The following RSPH6A variants were observed in gnomAD, a reference collection of about 807,000 sequenced individuals.
The protein encoded by RSPH6A is radial spoke head protein 6 homolog A.
Under a neutral mutation model 66.1 loss-of-function variants are expected in RSPH6A, and 49 were observed. That is an observed-to-expected ratio of 0.74 (90% CI 0.59 to 0.94). The LOEUF (loss-of-function observed/expected upper bound fraction) is 0.94. RSPH6A is among the 40% of genes least tolerant of loss of function. The probability of loss-of-function intolerance (pLI) is 0.00; values close to 1 mark genes in which losing one functional copy is unlikely to be tolerated. For missense variants in RSPH6A, 977 were observed against 948.3 expected (o/e 1.03, Z -0.40); for synonymous variants, 419 against 402.4 (o/e 1.04, Z -0.49).
At chr19:45,812,032 TG>T (rs1476801022) in intron 1 of RSPH6A, among the ~76,000 whole-genome samples, 6 of 150,700 alleles carry the variant, frequency 4.0e-5, no homozygotes, top group Non-Finnish European at 7.4e-5. Flanking sequence ...CCGCCCGTCT[TG>T]GCCTCCTAAA....
chr19:45,815,257 G>A lies in RSPH6A; in HGVS notation c.-81C>T, dbSNP rs1460584975. Reference sequence around the variant, plus strand: ...GCGAGAGCCACCTGTCGACACCGCCGGTTTCTGAGCACCGAGAGAGGGGGC... The same window carrying A: ...GCGAGAGCCACCTGTCGACACCGCCAGTTTCTGAGCACCGAGAGAGGGGGC... On this transcript the variant is annotated 5_prime_UTR_variant, in exon 1 of 6. Transcript: ENST00000221538. 3 of 1,395,636 alleles carry A rather than the reference G, an allele frequency of 2.1e-6. No homozygotes were observed. Among genetic ancestry groups the A allele is most frequent in the Non-Finnish European group, 1.9e-6 (2 of 1,056,858 alleles). The allele number at this position is 1,395,636 out of a possible 1,614,324, so 86.5% of individuals were successfully genotyped here.
intron 1 of RSPH6A, among the ~76,000 whole-genome samples, chr19:45,811,424 G>A (rs1426046447): frequency 6.6e-6 from 1 of 151,994 alleles, no homozygotes; most frequent in Non-Finnish European, 1.5e-5. Context: ...GATGGGAGAA[G>A]GTTTGCAATT....
Position 45,807,268 on chromosome 19 carries a change from T to G in RSPH6A, c.889-2252A>C, listed in dbSNP as rs561050241. Among the ~76,000 whole-genome samples, 731 of 151,676 alleles carry G rather than the reference T, an allele frequency of 4.8e-3. 4 individuals are homozygous for G. The highest frequency in any genetic ancestry group is 8.0e-3 in the Non-Finnish European group (543 of 67,972). ...TCTTGCTCTGTCGCCCAGGCTGGAGTGCAGTGGCGCAATCTCAACTCACTG... is the reference window on the plus strand; with the variant it reads ...TCTTGCTCTGTCGCCCAGGCTGGAGGGCAGTGGCGCAATCTCAACTCACTG... On this transcript the variant is annotated intron_variant, in intron 2 of 5. Transcript: ENST00000221538.
At chr19:45,801,684 C>G (rs150794268) in intron 4 of RSPH6A, among the ~76,000 whole-genome samples, 1 of 152,076 alleles carries the variant, frequency 6.6e-6, no homozygotes. Flanking sequence ...TGCAGGAACC[C>G]GAGAGGTTGA....
chr19:45,804,422 T>C lies in RSPH6A; in HGVS notation c.1483A>G (p.Ser495Gly). Residue 495 changes from serine (S) to glycine (G), a missense_variant, in exon 3 of 6, where the codon AGC becomes GGC. Coordinates refer to ENST00000221538, the MANE Select transcript of RSPH6A (RefSeq NM_030785.4). The surrounding 1 kb of genome is among the most constrained non-coding windows in gnomAD (Gnocchi z 5.8). ...IARISAATQV[S>G]PLGFYQFSEE... Reference sequence around the variant, plus strand: ...CTAAACTGGTAGAAGCCCAGCGGGCTGACCTGCGTGGCGGCCGAGATGCGG... The same window carrying C: ...CTAAACTGGTAGAAGCCCAGCGGGCCGACCTGCGTGGCGGCCGAGATGCGG... 2 of 1,613,892 alleles carry C rather than the reference T, an allele frequency of 1.2e-6. No homozygotes were observed. The highest frequency in any genetic ancestry group is 8.5e-7 in the Non-Finnish European group (1 of 1,179,972).
Position 45,799,558 on chromosome 19 carries a change from T to G in RSPH6A, c.1916+888A>C, listed in dbSNP as rs572398718. Among the ~76,000 whole-genome samples, 43 of 151,714 alleles carry G rather than the reference T, an allele frequency of 2.8e-4. 2 individuals carry two copies. The South Asian group carries it at 8.5e-3, about 30-fold the overall frequency. On this transcript the variant is annotated intron_variant, in intron 5 of 5. Transcript: ENST00000221538. Reference sequence around the variant, plus strand: ...TAAAAATTTTTTTAATTTTTTTTTTTGTACAGATAGTGTCTTACTGTGTTC... The same window carrying G: ...TAAAAATTTTTTTAATTTTTTTTTTGGTACAGATAGTGTCTTACTGTGTTC...
At chr19:45,809,111 C>T (rs1211766318) in intron 2 of RSPH6A, among the ~76,000 whole-genome samples, 1 of 148,638 alleles carries the variant, frequency 6.7e-6, no homozygotes, top group East Asian at 2.0e-4. Flanking sequence ...ACGCCATTCT[C>T]CTGCCTCAGC....
At chr19:45,807,391 A>G (rs1368476451) in intron 2 of RSPH6A, among the ~76,000 whole-genome samples, 2 of 150,076 alleles carry the variant, frequency 1.3e-5, no homozygotes, top group Non-Finnish European at 3.0e-5. Flanking sequence ...AATTTTTTGT[A>G]TTTTAAGTGG....
At position 45,800,569 on chromosome 19, in the gene RSPH6A, G is replaced by A. The variant is rs1388406162; in HGVS notation, c.1799-6C>T. 5 of 1,608,726 alleles carry A rather than the reference G, an allele frequency of 3.1e-6. No individual in the cohort carries two copies. Among genetic ancestry groups the A allele is most frequent in the African/African-American group, 1.3e-5 (1 of 74,890 alleles). On this transcript the variant is annotated splice_region_variant and splice_polypyrimidine_tract_variant and intron_variant, in intron 4 of 5. Transcript: ENST00000221538. Reference sequence around the variant, plus strand: ...GGGTGCCAGGTGCATGATTTCTGTGGTGGAGAGGCAGCAGAGGGGGGCAGC... The same window carrying A: ...GGGTGCCAGGTGCATGATTTCTGTGATGGAGAGGCAGCAGAGGGGGGCAGC...
At chr19:45,799,902 C>T (rs534448537) in intron 5 of RSPH6A, among the ~76,000 whole-genome samples, 1 of 152,282 alleles carries the variant, frequency 6.6e-6, no homozygotes, top group East Asian at 1.9e-4. Context: ...CAAAAATTAG[C>T]CAGGCATGGT....
chr19:45,808,097 T>C (rs921274655), intron 2 of RSPH6A, among the ~76,000 whole-genome samples: 2 of 152,254 alleles, frequency 1.3e-5, no homozygotes, highest in African/African-American at 4.8e-5. Flanking sequence ...GTGTTAGTTT[T>C]TGGAATGTGC....
chr19:45,811,124 G>A (rs986151424), intron 1 of RSPH6A, among the ~76,000 whole-genome samples: 2 of 152,128 alleles, frequency 1.3e-5, no homozygotes, highest in African/African-American at 4.8e-5. Context: ...CTCCCGAGTA[G>A]CTGGGATTAT....
chr19:45,801,398 G>C (rs1600473053), intron 4 of RSPH6A, among the ~76,000 whole-genome samples: 1 of 152,166 alleles, frequency 6.6e-6, no homozygotes, highest in Admixed American at 6.5e-5. Flanking sequence ...CCCACTCCTA[G>C]CCTCTCTCTC....
At chr19:45,808,494 G>A (rs1210531416) in intron 2 of RSPH6A, among the ~76,000 whole-genome samples, 4 of 152,054 alleles carry the variant, frequency 2.6e-5, no homozygotes, top group Non-Finnish European at 5.9e-5. Context: ...TCGGGAGGCT[G>A]AGGCAGGAGA....
intron 1 of RSPH6A, 77 bp from the exon 2 acceptor site, chr19:45,810,917 C>T: frequency 8.0e-7 from 1 of 1,257,716 alleles, no homozygotes; most frequent in Non-Finnish European, 1.1e-6. Context: ...TGTGCCTGGC[C>T]CTGTGCCTGG....
In RSPH6A at chr19:45,800,583, GA is replaced by G; in HGVS notation, c.1799-21del. ...TGATTTCTGTGGTGGAGAGGCAGCAGAGGGGGGCAGCAGGGTCAGGGAGGCC... is the reference window on the plus strand; with the variant it reads ...TGATTTCTGTGGTGGAGAGGCAGCAGGGGGGGCAGCAGGGTCAGGGAGGCC... On this transcript the variant is annotated intron_variant, in intron 4 of 5. Transcript: ENST00000221538. 1 of 1,600,300 alleles carries G rather than the reference GA, an allele frequency of 6.2e-7. No homozygotes were observed. Among genetic ancestry groups the G allele is most frequent in the Non-Finnish European group, 8.5e-7 (1 of 1,171,810 alleles).
At chr19:45,807,490 C>T (rs1461931962) in intron 2 of RSPH6A, among the ~76,000 whole-genome samples, 1 of 150,942 alleles carries the variant, frequency 6.6e-6, no homozygotes, top group Non-Finnish European at 1.5e-5. Context: ...GCTGGGATTA[C>T]AAGCGTGAGC....
chr19:45,807,225 A>G (rs1429859256), intron 2 of RSPH6A, among the ~76,000 whole-genome samples: 1 of 150,138 alleles, frequency 6.7e-6, no homozygotes, highest in East Asian at 2.0e-4. Flanking sequence ...TATTATTATT[A>G]TTATTTTTGA....
chr19:45,801,793 C>CCACA (rs35295101), intron 4 of RSPH6A, among the ~76,000 whole-genome samples: 9,723 of 149,660 alleles, frequency 0.065, 390 homozygotes, highest in African/African-American at 0.1. Context: ...ACCACCACCA[C>CCACA]CACACACACA....
Sources: allele counts gnomAD v4.1 joint callset (sites outside exome capture counted in the v4.1 genomes callset), GRCh38; gene constraint gnomAD v4.1.1; non-coding constraint Gnocchi (gnomAD v3.1); transcripts MANE v1.5; gene names NCBI Gene and HGNC (gene_info 2026-07-23, HGNC 2026-07-21).